ANKS1B: variants seen among roughly 807,000 people sequenced by gnomAD.
The protein encoded by ANKS1B is ankyrin repeat and sterile alpha motif domain-containing protein 1B.
Under a neutral mutation model 148.3 loss-of-function variants are expected in ANKS1B, and 36 were observed. The observed-to-expected ratio is 0.24, with a 90% CI of 0.19 to 0.32. The LOEUF is 0.32. ANKS1B is among the 10% of genes least tolerant of loss of function. The pLI is 1.00. For synonymous variants in ANKS1B, 542 were observed against 560.8 expected (o/e 0.97, Z 0.47); for missense variants, 1,157 against 1,542.6 (o/e 0.75, Z 4.19).
At chr12:99,688,926 T>A (rs7295306) in intron 8 of ANKS1B, among the ~76,000 whole-genome samples, 42,528 of 151,828 alleles carry the variant, frequency 0.28, 6,264 homozygotes, top group Non-Finnish European at 0.3. Flanking sequence ...AGTTGTGAAT[T>A]TCTTACAAGT....
At chr12:98,912,850 A>T (rs2099788604) in intron 17 of ANKS1B, among the ~76,000 whole-genome samples, 1 of 152,140 alleles carries the variant, frequency 6.6e-6, no homozygotes, top group African/African-American at 2.4e-5. Context: ...CCCGGACTTA[A>T]TTTTTCCTTG....
intron 14 of ANKS1B, among the ~76,000 whole-genome samples, chr12:99,170,419 G>C (rs973805870): frequency 6.6e-6 from 1 of 152,094 alleles, no homozygotes; most frequent in African/African-American, 2.4e-5. Flanking sequence ...GGGCTTAGTT[G>C]TTCTTTGGAA....
At chr12:99,346,397 A>ACTCTCT (rs916189612) in intron 12 of ANKS1B, among the ~76,000 whole-genome samples, 2 of 149,050 alleles carry the variant, frequency 1.3e-5, no homozygotes, top group African/African-American at 2.5e-5. Flanking sequence ...ACACACACAC[A>ACTCTCT]CTCTCTCTCT....
At chr12:99,531,144 T>C (rs2096985733) in intron 9 of ANKS1B, among the ~76,000 whole-genome samples, 2 of 152,220 alleles carry the variant, frequency 1.3e-5, no homozygotes, top group African/African-American at 4.8e-5. Flanking sequence ...TAGCTTGCTT[T>C]CTTCTCTGAA....
At chr12:98,869,120 C>T (rs532342808) in intron 17 of ANKS1B, among the ~76,000 whole-genome samples, 30 of 152,300 alleles carry the variant, frequency 2.0e-4, no homozygotes, top group African/African-American at 6.7e-4. Context: ...TGCACACCCC[C>T]GCCTTGTCTT....
At chr12:99,413,960 A>T (rs2094807749) in intron 11 of ANKS1B, among the ~76,000 whole-genome samples, 1 of 152,078 alleles carries the variant, frequency 6.6e-6, no homozygotes, top group Non-Finnish European at 1.5e-5. Context: ...AGGCCCTGAG[A>T]GTTCCAGGTT....
At position 99,032,409 on chromosome 12, in the gene ANKS1B, T is replaced by G. The variant is rs180771544; in HGVS notation, c.2778+20748A>C. On this transcript the variant is annotated intron_variant, in intron 17 of 26. Coordinates refer to ENST00000683438, the MANE Select transcript of ANKS1B (RefSeq NM_001352186.2). ...GAAGGCTCAAGGGGAGAATCCTTCC[T>G]TGCTTCTTTGAGCTTCTGGTGGCTC... Among the ~76,000 whole-genome samples the G allele has an allele frequency of 2.0e-3, 301 of 152,334 alleles. 1 individual carries two copies. The highest frequency in any genetic ancestry group is 7.0e-3 in the African/African-American group (289 of 41,578).
At chr12:99,757,914 C>T (rs545225449) in intron 8 of ANKS1B, among the ~76,000 whole-genome samples, 15 of 151,918 alleles carry the variant, frequency 9.9e-5, no homozygotes, top group African/African-American at 3.6e-4. Context: ...AAATAGAGAA[C>T]AGCACACACT....
chr12:99,483,190 T>C (rs2096439794), intron 10 of ANKS1B, among the ~76,000 whole-genome samples: 1 of 151,904 alleles, frequency 6.6e-6, no homozygotes, highest in South Asian at 2.1e-4. Context: ...GCCTCATTTG[T>C]TGAGAGTTTT....
chr12:99,502,323 G>A (rs1223954833), intron 10 of ANKS1B, among the ~76,000 whole-genome samples: 1 of 152,100 alleles, frequency 6.6e-6, no homozygotes, highest in Non-Finnish European at 1.5e-5. Context: ...ATAGCCTGGG[G>A]TCAGCATTGT....
chr12:99,103,392 A>G (rs1042161240), intron 15 of ANKS1B, among the ~76,000 whole-genome samples: 1 of 152,130 alleles, frequency 6.6e-6, no homozygotes, highest in South Asian at 2.1e-4. Flanking sequence ...AACTCCTTCG[A>G]CATCTCTCCT....
chr12:99,392,302 C>CCTCTCACA (rs968524532), intron 12 of ANKS1B, among the ~76,000 whole-genome samples: 6 of 152,214 alleles, frequency 3.9e-5, no homozygotes, highest in African/African-American at 1.4e-4. Context: ...TCTGGCAATC[C>CCTCTCACA]CTGATCAGTG....
rs369965302 is a variant in ANKS1B, at chr12:98,909,288, G to C, written c.2779-77152C>G. Among the ~76,000 whole-genome samples the C allele has an allele frequency of 1.7e-4, 26 of 152,318 alleles. 1 individual carries two copies. Among genetic ancestry groups the C allele is most frequent in the African/African-American group, 6.3e-4 (26 of 41,568 alleles). On this transcript the variant is annotated intron_variant, in intron 17 of 26. Transcript: ENST00000683438. The stretch of plus-strand genomic sequence containing the variant: ...TCAAATGTTGAGGGCTGATAAATGT[G>C]AGTAGCAACTACTAAATGAAGGAGA...
intron 16 of ANKS1B, among the ~76,000 whole-genome samples, chr12:99,062,071 A>G (rs1433855535): frequency 6.6e-6 from 1 of 152,202 alleles, no homozygotes; most frequent in Non-Finnish European, 1.5e-5. Flanking sequence ...TATGCTGTGG[A>G]ATGGCACTTT....
chr12:99,410,345 A>C (rs2094653664), intron 11 of ANKS1B, among the ~76,000 whole-genome samples: 1 of 151,990 alleles, frequency 6.6e-6, no homozygotes, highest in Non-Finnish European at 1.5e-5. Context: ...TTTTATAAAA[A>C]AAAAAAATTG....
intron 9 of ANKS1B, among the ~76,000 whole-genome samples, chr12:99,622,598 T>C (rs895500096): frequency 6.6e-6 from 1 of 151,886 alleles, no homozygotes; most frequent in Non-Finnish European, 1.5e-5. Context: ...GAGACTGTTA[T>C]GAACAGTTAT....
rs567392449 is a variant in ANKS1B, at chr12:99,887,843, C to G, written c.135-62454G>C. On this transcript the variant is annotated intron_variant, in intron 1 of 26. Coordinates refer to ENST00000683438, the MANE Select transcript of ANKS1B (RefSeq NM_001352186.2). ...ATAGTGGACAGATTAGTCCCCATGCCTACTATTCCCAGTACCTCGGTCTAG... is the reference window on the plus strand; with the variant it reads ...ATAGTGGACAGATTAGTCCCCATGCGTACTATTCCCAGTACCTCGGTCTAG... 2.0e-5 allele frequency among the ~76,000 whole-genome samples: 3 copies of G among 152,226 alleles called. No homozygotes were observed. In the East Asian group the frequency reaches 5.8e-4, roughly 29 times the overall value.
At chr12:99,867,608 G>A (rs1016179923) in intron 1 of ANKS1B, among the ~76,000 whole-genome samples, 5 of 152,006 alleles carry the variant, frequency 3.3e-5, no homozygotes, top group Non-Finnish European at 7.4e-5. Context: ...TCACTACCAC[G>A]GGAACAGTAT....
chr12:99,115,199 T>C (rs977341515), intron 15 of ANKS1B, among the ~76,000 whole-genome samples: 3 of 152,044 alleles, frequency 2.0e-5, no homozygotes, highest in Non-Finnish European at 2.9e-5. Flanking sequence ...GTATTCACAA[T>C]AGCAAAAACA....
Sources: gnomAD v4.1 joint callset for allele counts (sites outside exome capture counted in the v4.1 genomes callset) on GRCh38, gnomAD v4.1.1 for gene constraint, MANE v1.5 for transcripts, NCBI Gene and HGNC (gene_info 2026-07-23, HGNC 2026-07-21) for gene names.